The following DTNA variants were observed in gnomAD, a reference collection of about 807,000 sequenced individuals.
DTNA encodes the protein dystrophin-related protein 3.
In DTNA, 43 loss-of-function variants were observed where a neutral mutation model predicts 100.7. That is an observed-to-expected ratio of 0.43 (90% CI 0.33 to 0.55). The LOEUF (loss-of-function observed/expected upper bound fraction) is 0.55, where lower values mean the gene tolerates loss of function less well. DTNA is among the 20% of genes least tolerant of loss of function. DTNA has a pLI of 0.04. For missense variants in DTNA, 798 were observed against 953.9 expected, an observed-to-expected ratio of 0.84 and a Z score of 2.15; for synonymous variants, 349 against 347.9, an observed-to-expected ratio of 1.00 and a Z score of -0.04.
chr18:34,642,140 C>T (rs979612597), intron 1 of DTNA, among the ~76,000 whole-genome samples: 4 of 152,184 alleles, frequency 2.6e-5, no homozygotes, highest in Non-Finnish European at 5.9e-5. Context: ...CCACATTCTT[C>T]CCAAAGCAGC....
intron 1 of DTNA, among the ~76,000 whole-genome samples, chr18:34,505,266 A>G (rs1162568662): frequency 6.6e-6 from 1 of 151,984 alleles, no homozygotes; most frequent in African/African-American, 2.4e-5. Context: ...CGTATCTCCT[A>G]CTTACTTTTC....
chr18:34,807,271 C>T (rs949879135), intron 5 of DTNA, among the ~76,000 whole-genome samples: 11 of 152,224 alleles, frequency 7.2e-5, no homozygotes, highest in Non-Finnish European at 1.2e-4. Context: ...AGAAAGGGCA[C>T]TGTCCTGGGA....
intron 1 of DTNA, chr18:34,558,213 T>G (rs1402969843): frequency 3.3e-5 from 5 of 152,864 alleles, no homozygotes; most frequent in African/African-American, 1.2e-4. Context: ...GGCAATGCCT[T>G]GCCTTGCTTC....
At chr18:34,827,767 G>A (rs1453004726) in intron 10 of DTNA, 91 bp downstream of exon 10, 7 of 1,268,830 alleles carry the variant, frequency 5.5e-6, no homozygotes, top group African/African-American at 2.9e-5. Flanking sequence ...CAAGCCAAGG[G>A]CAGAATATTG....
chr18:34,603,863 T>C lies in DTNA; in HGVS notation c.-2+110349T>C, dbSNP rs530201807. Among the ~76,000 whole-genome samples, 12 of 152,292 alleles carry C rather than the reference T, an allele frequency of 7.9e-5. No individual in the cohort carries two copies. In the East Asian group the frequency reaches 1.5e-3, roughly 20 times the overall value. ...ATCTTCAACTTCTTTTTCTTGGTAG[T>C]TTTTCTTGGTAGTTTCCTTTAAGTT... On this transcript the variant is annotated intron_variant, in intron 1 of 19. Transcript: ENST00000283365.
At chr18:34,626,450 A>T (rs1202651497) in intron 1 of DTNA, among the ~76,000 whole-genome samples, 2 of 120,988 alleles carry the variant, frequency 1.7e-5, no homozygotes, top group African/African-American at 5.6e-5. Flanking sequence ...TCCTGAAGTT[A>T]AAAAAAAAAA....
chr18:34,648,938 T>A (rs1010257333), intron 1 of DTNA, among the ~76,000 whole-genome samples: 1 of 152,210 alleles, frequency 6.6e-6, no homozygotes, highest in Non-Finnish European at 1.5e-5. Flanking sequence ...ATCTTTAATA[T>A]TTTTCTAATG....
At chr18:34,532,008 T>A (rs532297042) in intron 1 of DTNA, among the ~76,000 whole-genome samples, 1 of 152,230 alleles carries the variant, frequency 6.6e-6, no homozygotes, top group Non-Finnish European at 1.5e-5. Context: ...TTTTCAATCA[T>A]TTTAATTTAA....
At chr18:34,820,718 A>G (rs907072272) in intron 8 of DTNA, 73 bp from the exon 9 acceptor site, 2 of 1,605,444 alleles carry the variant, frequency 1.2e-6, no homozygotes, top group African/African-American at 2.7e-5. Context: ...ATCTATTATG[A>G]AAAGCAAATC....
intron 9 of DTNA, among the ~76,000 whole-genome samples, chr18:34,822,142 G>A (rs2095739364): frequency 6.6e-6 from 1 of 152,164 alleles, no homozygotes; most frequent in East Asian, 1.9e-4. Context: ...TGTAGAATGT[G>A]GCTAGCTTAT....
intron 1 of DTNA, among the ~76,000 whole-genome samples, chr18:34,576,744 C>A (rs1439596190): frequency 6.6e-6 from 1 of 152,168 alleles, no homozygotes; most frequent in African/African-American, 2.4e-5. Context: ...CAGGCATGAG[C>A]AACCATGCCC....
intron 1 of DTNA, among the ~76,000 whole-genome samples, chr18:34,544,336 A>T (rs903618531): frequency 1.3e-5 from 2 of 152,116 alleles, no homozygotes; most frequent in Non-Finnish European, 2.9e-5. Flanking sequence ...TAAAAAAAAT[A>T]ATAGAAACTC....
intron 1 of DTNA, among the ~76,000 whole-genome samples, chr18:34,560,450 A>G (rs1411106380): frequency 6.6e-6 from 1 of 152,172 alleles, no homozygotes; most frequent in African/African-American, 2.4e-5. Flanking sequence ...TTTTAAAGTA[A>G]TGTACTCCAG....
Position 34,845,648 on chromosome 18 carries a change from C to T in DTNA, c.1347-2648C>T, listed in dbSNP as rs2096363750. On this transcript the variant is annotated intron_variant, in intron 13 of 22. Transcript: ENST00000444659. ...ACATGTTAAAATCAAATTCAGTTGT[C>T]TCTTTGTGGGGTAGTTTGACGTCGA... Among the ~76,000 whole-genome samples, 8 of 152,206 alleles carry T rather than the reference C, an allele frequency of 5.3e-5. No individual in the cohort carries two copies. The South Asian group carries it at 1.7e-3, about 32-fold the overall frequency.
chr18:34,500,423 CTATGTGTGTGTGTG>C (rs775296930), intron 1 of DTNA, among the ~76,000 whole-genome samples: 27 of 149,036 alleles, frequency 1.8e-4, no homozygotes, highest in Non-Finnish European at 3.1e-4. Flanking sequence ...CTTATTAATT[CTATGTGTGTGTGTG>C]TATGTGTGTG....
chr18:34,795,238 A>G (rs936600980), intron 4 of DTNA, among the ~76,000 whole-genome samples: 1 of 152,208 alleles, frequency 6.6e-6, no homozygotes, highest in Non-Finnish European at 1.5e-5. Context: ...GAGATGTTCC[A>G]GCCAGGCTAA....
At chr18:34,557,489 C>A (rs924897873) in intron 1 of DTNA, among the ~76,000 whole-genome samples, 2 of 151,956 alleles carry the variant, frequency 1.3e-5, no homozygotes, top group African/African-American at 4.8e-5. Context: ...TTTTCCCCAT[C>A]TTTGTGGTTT....
intron 1 of DTNA, among the ~76,000 whole-genome samples, chr18:34,519,849 GGTAA>G (rs772104898): frequency 6.6e-6 from 1 of 152,096 alleles, no homozygotes; most frequent in Non-Finnish European, 1.5e-5. Flanking sequence ...GATCTAAGAA[GGTAA>G]AGAAAGTTTT....
Position 34,889,320 on chromosome 18 carries a change from C to T in DTNA, c.*1586C>T. The T allele has an allele frequency of 1.0e-6, 1 of 980,816 alleles. No individual in the cohort carries two copies. The highest frequency in any genetic ancestry group is 4.7e-5 in the South Asian group (1 of 21,176). 60.8% of individuals were successfully genotyped at this position (980,816 alleles called of 1,614,324 possible). A position where few individuals can be genotyped will look rare whatever the true frequency, so the allele number is the denominator to read the frequency against. On this transcript the variant is annotated 3_prime_UTR_variant, in exon 23 of 23. Transcript: ENST00000444659. Reference sequence around the variant, plus strand: ...CGAAATACTAATTTGTAAGCCCCACCTCAGGCCTACTGAATCAGAAGCTCT... The same window carrying T: ...CGAAATACTAATTTGTAAGCCCCACTTCAGGCCTACTGAATCAGAAGCTCT...
Sources: allele counts gnomAD v4.1 joint callset (sites outside exome capture counted in the v4.1 genomes callset), GRCh38; gene constraint gnomAD v4.1.1; transcripts MANE v1.5; gene names NCBI Gene and HGNC (gene_info 2026-07-23, HGNC 2026-07-21).